The following TRPM7 variants were observed in gnomAD, a reference collection of about 807,000 sequenced individuals.
The protein encoded by TRPM7 is transient receptor potential cation channel subfamily M member 7, also known as LTRPC ion channel family member 7.
A neutral mutation model predicts 229.7 loss-of-function variants in TRPM7; 134 were observed. The ratio of observed to expected loss-of-function variants is 0.58; its 90% confidence interval spans 0.51 to 0.67. The LOEUF is 0.67. Among genes scored for constraint, TRPM7 ranks in the 30% least tolerant of loss-of-function variants. The probability of loss-of-function intolerance (pLI) is 0.00; values close to 1 mark genes in which losing one functional copy is unlikely to be tolerated. For missense variants in TRPM7, 1,901 were observed against 2,210.0 expected (o/e 0.86, Z 2.80); for synonymous variants, 699 against 715.2 (o/e 0.98, Z 0.36).
intron 13 of TRPM7, among the ~76,000 whole-genome samples, chr15:50,617,395 C>G (rs935682298): frequency 6.6e-6 from 1 of 150,394 alleles, no homozygotes; most frequent in Admixed American, 6.6e-5. Context: ...CCCAGCTACT[C>G]GGGAGGCTGA....
At chr15:50,649,559 C>T (rs1165380489) in intron 3 of TRPM7, among the ~76,000 whole-genome samples, 4 of 151,996 alleles carry the variant, frequency 2.6e-5, no homozygotes, top group Non-Finnish European at 5.9e-5. Context: ...AGTGAAAGAA[C>T]CTAGACACCA....
chr15:50,624,409 A>G, intron 11 of TRPM7, 109 bp from the exon 12 acceptor site: 1 of 1,011,180 alleles, frequency 9.9e-7, no homozygotes, highest in South Asian at 2.2e-5. Flanking sequence ...CAACAGTTTT[A>G]GAACAAAATT....
At chr15:50,678,518 ATATATAT>A (rs1188432633) in intron 1 of TRPM7, among the ~76,000 whole-genome samples, 43 of 118,422 alleles carry the variant, frequency 3.6e-4, no homozygotes, top group African/African-American at 1.1e-3. Flanking sequence ...AAAAAAAAAA[ATATATAT>A]ATATATATAT....
In TRPM7 at chr15:50,663,061, T is replaced by G; in HGVS notation, c.4-15A>C. 1 of 1,597,098 alleles carries G rather than the reference T, an allele frequency of 6.3e-7. No individual in the cohort carries two copies. Among genetic ancestry groups the G allele is most frequent in the Non-Finnish European group, 8.6e-7 (1 of 1,165,774 alleles). ...GATTTCTGGGACTAAAACAAAATGT[T>G]TTAAAGAATTGTTTATAAGTTAACC... On this transcript the variant is annotated splice_polypyrimidine_tract_variant and intron_variant, in intron 1 of 38. Transcript: ENST00000646667.
At chr15:50,620,790 G>T (rs1285948713) in intron 12 of TRPM7, among the ~76,000 whole-genome samples, 1 of 151,984 alleles carries the variant, frequency 6.6e-6, no homozygotes, top group African/African-American at 2.4e-5. Flanking sequence ...AAATTAGCCG[G>T]GTGTGGTGGC....
chr15:50,686,014 G>A (rs1406491131), intron 1 of TRPM7, among the ~76,000 whole-genome samples: 1 of 152,164 alleles, frequency 6.6e-6, no homozygotes, highest in Non-Finnish European at 1.5e-5. Flanking sequence ...TAGAGTATCC[G>A]CTGCACAGCA....
Position 50,612,816 on chromosome 15 carries a change from A to G in TRPM7, c.1784T>C (p.Met595Thr). 2 of 1,611,758 alleles carry G rather than the reference A, an allele frequency of 1.2e-6. No individual in the cohort carries two copies. The highest frequency in any genetic ancestry group is 1.7e-6 in the Non-Finnish European group (2 of 1,179,458). ...GGTTCTTTTCTTCTTTCCTTCTTCC[A>G]TAACTGTATCAATCTTCCAGGGAAA... is the stretch of plus-strand genomic sequence containing the variant. ...QPYRPKIDTVMEEGKKKRTKD... is the reference protein window; with the variant it reads ...QPYRPKIDTVTEEGKKKRTKD... The change falls in exon 16 of 39, where the codon ATG becomes ACG. Residue 595 changes from methionine (M) to threonine (T), a missense_variant. Around this residue, in one of 8 missense-constraint regions of TRPM7, gnomAD observed 794 missense variants for 881.9 expected, o/e 0.90. Transcript: ENST00000646667.
chr15:50,663,055 A>C lies in TRPM7; in HGVS notation c.4-9T>G, dbSNP rs776328813. The C allele has an allele frequency of 1.7e-5, 27 of 1,600,382 alleles. No individual in the cohort carries two copies. Among genetic ancestry groups the C allele is most frequent in the Non-Finnish European group, 2.3e-5 (27 of 1,168,148 alleles). On this transcript the variant is annotated splice_polypyrimidine_tract_variant and intron_variant, in intron 1 of 38. Transcript: ENST00000646667. Reference sequence around the variant, plus strand: ...ATCCAGGATTTCTGGGACTAAAACAAAATGTTTTAAAGAATTGTTTATAAG... The same window carrying C: ...ATCCAGGATTTCTGGGACTAAAACACAATGTTTTAAAGAATTGTTTATAAG...
At chr15:50,675,095 C>T (rs1395341763) in intron 1 of TRPM7, among the ~76,000 whole-genome samples, 2 of 152,198 alleles carry the variant, frequency 1.3e-5, no homozygotes, top group East Asian at 3.8e-4. Flanking sequence ...GTTATCCCAA[C>T]ACTTTGGGAA....
At position 50,584,089 on chromosome 15, in the gene TRPM7, G is replaced by A. The variant is rs145531510; in HGVS notation, c.4487-930C>T. On this transcript the variant is annotated intron_variant, in intron 28 of 38. Coordinates refer to ENST00000646667, the MANE Select transcript of TRPM7 (RefSeq NM_017672.6). ...CTTTGTTGTCATATCTTATTTATCCGAAATGAACTTTAGAATTAAGCCTAC... is the reference window on the plus strand; with the variant it reads ...CTTTGTTGTCATATCTTATTTATCCAAAATGAACTTTAGAATTAAGCCTAC... Among the ~76,000 whole-genome samples the A allele has an allele frequency of 2.6e-3, 395 of 152,054 alleles. 3 individuals are homozygous for A. The highest frequency in any genetic ancestry group is 9.3e-3 in the African/African-American group (384 of 41,484).
At chr15:50,617,131 AAAATAAATAAATAAATAAAT>A (rs201318883) in intron 13 of TRPM7, among the ~76,000 whole-genome samples, 20,198 of 137,298 alleles carry the variant, frequency 0.15, 1,540 homozygotes, top group Middle Eastern at 0.19. Flanking sequence ...CTCTACCAAA[AAAATAAATAAATAAATAAAT>A]AAATAAATAA....
At chr15:50,576,372 T>C (rs1304421311) in intron 31 of TRPM7, among the ~76,000 whole-genome samples, 1 of 152,184 alleles carries the variant, frequency 6.6e-6, no homozygotes, top group East Asian at 1.9e-4. Context: ...GACCTTTAAA[T>C]GTTGCAAGAA....
At chr15:50,590,732 G>A (rs575277020) in intron 26 of TRPM7, among the ~76,000 whole-genome samples, 3 of 152,212 alleles carry the variant, frequency 2.0e-5, no homozygotes, top group Admixed American at 1.3e-4. Context: ...GCTGAGGCAG[G>A]AGAATCACTT....
intron 1 of TRPM7, among the ~76,000 whole-genome samples, chr15:50,664,734 G>A (rs1190036536): frequency 6.6e-6 from 1 of 152,096 alleles, no homozygotes; most frequent in Non-Finnish European, 1.5e-5. Context: ...TGGGAGGCAG[G>A]AAGATGGCTT....
intron 1 of TRPM7, among the ~76,000 whole-genome samples, chr15:50,670,711 A>G (rs2061967923): frequency 6.6e-6 from 1 of 152,052 alleles, no homozygotes; most frequent in African/African-American, 2.4e-5. Flanking sequence ...GTGGGCAACC[A>G]GCAGCCCTCA....
intron 16 of TRPM7, among the ~76,000 whole-genome samples, chr15:50,611,586 C>G (rs71469701): frequency 0.015 from 2,227 of 152,218 alleles, 26 homozygotes; most frequent in Non-Finnish European, 0.022. Context: ...ACTATAATCT[C>G]AAAGGGAATC....
intron 31 of TRPM7, among the ~76,000 whole-genome samples, chr15:50,576,567 C>T (rs1596077193): frequency 6.6e-6 from 1 of 152,084 alleles, no homozygotes; most frequent in African/African-American, 2.4e-5. Context: ...GTACCTAATG[C>T]CTTTTGGTTG....
In TRPM7 at chr15:50,578,702, ATGATT is replaced by A. The variant is rs528589540; in HGVS notation, c.4593-43_4593-39del. On this transcript the variant is annotated intron_variant, in intron 30 of 38. Transcript: ENST00000646667. ...CAAAAAATATAGTATAAGCTGTGCT[ATGATT>A]TAAGTTTTGGCTATCATTTAATTTT... The A allele has an allele frequency of 5.8e-5, 86 of 1,492,450 alleles. No individual in the cohort carries two copies. In the Admixed American group the frequency reaches 9.6e-4, roughly 17 times the overall value. 92.5% of individuals were successfully genotyped at this position (1,492,450 alleles called of 1,614,324 possible). A position where few individuals can be genotyped will look rare whatever the true frequency, so the allele number is the denominator to read the frequency against.
chr15:50,618,560 A>G (rs1438550168), intron 13 of TRPM7, among the ~76,000 whole-genome samples: 1 of 148,286 alleles, frequency 6.7e-6, no homozygotes, highest in African/African-American at 2.5e-5. Flanking sequence ...ACAGAGCAAG[A>G]TTCCGTCTCA....
Sources: allele counts gnomAD v4.1 joint callset (sites outside exome capture counted in the v4.1 genomes callset), GRCh38; gene constraint gnomAD v4.1.1; regional missense constraint gnomAD v4.1.1; transcripts MANE v1.5; gene names NCBI Gene and HGNC (gene_info 2026-07-23, HGNC 2026-07-21).